Variants in LRFN2 observed in about 807,000 individuals in gnomAD.
The protein encoded by LRFN2 is leucine-rich repeat and fibronectin type-III domain-containing protein 2.
In LRFN2, 18 loss-of-function variants were observed where a neutral mutation model predicts 37.3. That is an observed-to-expected ratio of 0.48 (90% confidence interval 0.33 to 0.72). The LOEUF is 0.72. Among genes scored for constraint, LRFN2 ranks in the 30% least tolerant of loss-of-function variants. The pLI, the probability that LRFN2 is intolerant of heterozygous loss-of-function variation, is 0.02. For synonymous variants in LRFN2, 556 were observed against 466.6 expected (o/e 1.19, Z -2.47); for missense variants, 1,006 against 1,060.7 (o/e 0.95, Z 0.72).
chr6:40,558,612 A>C (rs561006157), intron 1 of LRFN2, among the ~76,000 whole-genome samples: 3 of 152,116 alleles, frequency 2.0e-5, no homozygotes, highest in Non-Finnish European at 2.9e-5. Context: ...GACCTTGTGG[A>C]GTTTGGGGCC....
chr6:40,532,081 T>C (rs1391216705), intron 1 of LRFN2, among the ~76,000 whole-genome samples: 13 of 152,262 alleles, frequency 8.5e-5, no homozygotes, highest in Admixed American at 8.5e-4. Flanking sequence ...CTCCTGAAGT[T>C]TGACTAGTGA....
intron 1 of LRFN2, among the ~76,000 whole-genome samples, chr6:40,510,417 T>C (rs946465482): frequency 2.6e-5 from 4 of 152,216 alleles, no homozygotes; most frequent in African/African-American, 9.7e-5. Context: ...CCCCTGTCTT[T>C]TTCCTGGTTC....
At chr6:40,580,857 A>T (rs1767384384) in intron 1 of LRFN2, among the ~76,000 whole-genome samples, 1 of 152,222 alleles carries the variant, frequency 6.6e-6, no homozygotes. Flanking sequence ...GCATGTATGA[A>T]TGTACAAGTG....
chr6:40,474,370 T>C (rs1764665953), intron 1 of LRFN2, among the ~76,000 whole-genome samples: 1 of 152,214 alleles, frequency 6.6e-6, no homozygotes, highest in African/African-American at 2.4e-5. Flanking sequence ...ATCACTTCAG[T>C]CTCTGCCTCT....
chr6:40,483,786 G>T (rs769552735), intron 1 of LRFN2, among the ~76,000 whole-genome samples: 1 of 152,120 alleles, frequency 6.6e-6, no homozygotes, highest in Non-Finnish European at 1.5e-5. Context: ...TTACCCTCAG[G>T]TCTCAGTTAG....
chr6:40,483,770 C>A (rs1194091582), intron 1 of LRFN2, among the ~76,000 whole-genome samples: 5 of 152,142 alleles, frequency 3.3e-5, no homozygotes, highest in Non-Finnish European at 5.9e-5. Context: ...TCTTCCTTCC[C>A]TCCCTTTACC....
At chr6:40,449,048 TGTTCC>T (rs1764039861) in intron 1 of LRFN2, among the ~76,000 whole-genome samples, 1 of 152,220 alleles carries the variant, frequency 6.6e-6, no homozygotes, top group Non-Finnish European at 1.5e-5. Context: ...GCCTCTTGGT[TGTTCC>T]CTAATACACA....
intron 1 of LRFN2, among the ~76,000 whole-genome samples, chr6:40,451,044 G>A (rs1016785549): frequency 1.2e-4 from 19 of 152,198 alleles, no homozygotes; most frequent in African/African-American, 4.6e-4. Flanking sequence ...TGATATTGTT[G>A]TTTCCTCAAA....
intron 1 of LRFN2, among the ~76,000 whole-genome samples, chr6:40,444,554 T>C (rs1022872350): frequency 2.2e-4 from 33 of 152,096 alleles, no homozygotes; most frequent in Admixed American, 6.5e-4. Context: ...GGAATGGGAG[T>C]ATCCTGACTC....
chr6:40,448,442 C>T (rs930670652), intron 1 of LRFN2, among the ~76,000 whole-genome samples: 1 of 151,798 alleles, frequency 6.6e-6, no homozygotes. Flanking sequence ...ATAATGATAC[C>T]CCATGAATAT....
At position 40,577,106 on chromosome 6, in the gene LRFN2, T is replaced by C. The variant is rs572043166; in HGVS notation, c.-19+9835A>G. On this transcript the variant is annotated intron_variant, in intron 1 of 2. Coordinates refer to ENST00000338305, the MANE Select transcript of LRFN2 (RefSeq NM_020737.3). Reference sequence around the variant, plus strand: ...TTCTTTTCTTTTCTTTTCTTTTCCTTTCTTTTCTTTTTAGATATGGAGTCT... The same window carrying C: ...TTCTTTTCTTTTCTTTTCTTTTCCTCTCTTTTCTTTTTAGATATGGAGTCT... Among the ~76,000 whole-genome samples the C allele has an allele frequency of 1.5e-5, 2 of 137,926 alleles. 1 individual carries two copies. Among genetic ancestry groups the C allele is most frequent in the Admixed American group, 1.5e-4 (2 of 13,776 alleles). The allele number at this position is 137,926 out of a possible 152,430, so 90.5% of individuals were successfully genotyped here. A position where few individuals can be genotyped will look rare whatever the true frequency, so the allele number is the denominator to read the frequency against.
At chr6:40,439,874 C>T (rs985005608) in intron 1 of LRFN2, among the ~76,000 whole-genome samples, 6 of 152,034 alleles carry the variant, frequency 3.9e-5, no homozygotes, top group Admixed American at 6.6e-5. Flanking sequence ...CCTCTTAGTT[C>T]GACTTTGGAG....
At chr6:40,423,231 G>C (rs1432360780) in intron 2 of LRFN2, among the ~76,000 whole-genome samples, 1 of 152,186 alleles carries the variant, frequency 6.6e-6, no homozygotes. Context: ...TTTCTGAAAG[G>C]GGTTATACCT....
chr6:40,447,809 T>C (rs569143311), intron 1 of LRFN2, among the ~76,000 whole-genome samples: 12 of 152,180 alleles, frequency 7.9e-5, no homozygotes, highest in Non-Finnish European at 1.6e-4. Context: ...GTCCACCTAG[T>C]AGGTGGCCCC....
intron 1 of LRFN2, among the ~76,000 whole-genome samples, chr6:40,511,355 T>A (rs576090830): frequency 6.6e-6 from 1 of 152,198 alleles, no homozygotes; most frequent in Non-Finnish European, 1.5e-5. Context: ...GAAAGAAATG[T>A]CACTGTTAAA....
chr6:40,435,092 CAGAG>C (rs1763629265), intron 1 of LRFN2, among the ~76,000 whole-genome samples: 1 of 59,276 alleles, frequency 1.7e-5, no homozygotes, highest in African/African-American at 6.1e-5. Flanking sequence ...GAGAGAGAGA[CAGAG>C]AGATAATATA....
intron 1 of LRFN2, among the ~76,000 whole-genome samples, chr6:40,534,303 T>C (rs1027442527): frequency 6.6e-6 from 1 of 152,152 alleles, no homozygotes; most frequent in African/African-American, 2.4e-5. Context: ...TCATGGACTC[T>C]TATGAGAAAT....
At chr6:40,547,032 G>T (rs146315526) in intron 1 of LRFN2, among the ~76,000 whole-genome samples, 74 of 151,310 alleles carry the variant, frequency 4.9e-4, no homozygotes, top group African/African-American at 1.5e-3. Context: ...GGGGATTCAA[G>T]AAACTGCAGC....
chr6:40,436,995 AGTGT>A (rs140423803), intron 1 of LRFN2, among the ~76,000 whole-genome samples: 1 of 151,066 alleles, frequency 6.6e-6, no homozygotes, highest in African/African-American at 2.4e-5. Context: ...GAGGTGGTTG[AGTGT>A]GTGTGTGTGT....
Sources: gnomAD v4.1 joint callset for allele counts (sites outside exome capture counted in the v4.1 genomes callset) on GRCh38, gnomAD v4.1.1 for gene constraint, MANE v1.5 for transcripts, NCBI Gene and HGNC (gene_info 2026-07-23, HGNC 2026-07-21) for gene names.